Variants in FRMPD4 observed in about 807,000 individuals in gnomAD.
FRMPD4 encodes FERM and PDZ domain-containing protein 4.
Under a neutral mutation model 94.1 loss-of-function variants are expected in FRMPD4, and 22 were observed. That is an observed-to-expected ratio of 0.23 (90% CI 0.17 to 0.33). The LOEUF (loss-of-function observed/expected upper bound fraction) is 0.33. Among genes scored for constraint, FRMPD4 ranks in the 10% least tolerant of loss-of-function variants. FRMPD4 has a pLI of 1.00. For synonymous variants in FRMPD4, 631 were observed against 548.6 expected, an observed-to-expected ratio of 1.15 and a Z score of -2.10; for missense variants, 1,111 against 1,339.9, an observed-to-expected ratio of 0.83 and a Z score of 2.67.
At chrX:11,983,370 C>A (rs1261246340) in intron 3 of FRMPD4, among the ~76,000 whole-genome samples, 1 of 111,778 alleles carries the variant, frequency 8.9e-6, no homozygotes, top group East Asian at 2.8e-4. Context: ...TTTATCTCCT[C>A]TTTACTGTAC....
chrX:11,853,946 C>A (rs1427747027), intron 1 of FRMPD4, among the ~76,000 whole-genome samples: 1 of 112,077 alleles, frequency 8.9e-6, no homozygotes, highest in Non-Finnish European at 1.9e-5. Context: ...AATTTCAGGC[C>A]AGTATTCTTG....
intron 1 of FRMPD4, among the ~76,000 whole-genome samples, chrX:12,213,267 A>G (rs1411933627): frequency 1.8e-5 from 2 of 112,374 alleles, no homozygotes; most frequent in Non-Finnish European, 3.8e-5. Context: ...TGCTTGACAC[A>G]TAGTAGAGAT....
chrX:12,215,973 C>T (rs2056802521), intron 1 of FRMPD4, among the ~76,000 whole-genome samples: 1 of 112,164 alleles, frequency 8.9e-6, no homozygotes. Flanking sequence ...TAGTTGTGAC[C>T]AAGACCACAT....
intron 9 of FRMPD4, among the ~76,000 whole-genome samples, chrX:12,694,670 C>T (rs1418975076): frequency 8.9e-6 from 1 of 112,003 alleles, no homozygotes; most frequent in African/African-American, 3.2e-5. Flanking sequence ...GTCATCTATA[C>T]CCTTCACCCA....
intron 3 of FRMPD4, among the ~76,000 whole-genome samples, chrX:11,886,884 T>C (rs183890057): frequency 1.4e-4 from 16 of 111,292 alleles, no homozygotes; most frequent in African/African-American, 5.2e-4. Context: ...CTCTCCCACA[T>C]GTCTCTGCTT....
intron 3 of FRMPD4, among the ~76,000 whole-genome samples, chrX:11,906,115 TTTTATTTATTTA>T (rs59185589): frequency 1.6e-4 from 14 of 88,247 alleles, no homozygotes; most frequent in Non-Finnish European, 1.5e-4. Flanking sequence ...TTTCCCTTCA[TTTTATTTATTTA>T]TTTATTTATT....
At chrX:11,914,291 CT>C (rs57258573) in intron 3 of FRMPD4, among the ~76,000 whole-genome samples, 21,105 of 88,031 alleles carry the variant, frequency 0.24, 1,717 homozygotes, top group East Asian at 0.55. Flanking sequence ...ACTTTTTTTT[CT>C]TTTTTTTTTT....
intron 1 of FRMPD4, among the ~76,000 whole-genome samples, chrX:11,847,622 G>A (rs1287491311): frequency 9.2e-6 from 1 of 108,794 alleles, no homozygotes; most frequent in Non-Finnish European, 1.9e-5. Flanking sequence ...GCAAAGACTT[G>A]GAACCAACCC....
chrX:12,004,717 T>G (rs6654948), intron 3 of FRMPD4, among the ~76,000 whole-genome samples: 7,351 of 107,018 alleles, frequency 0.069, 269 homozygotes, highest in East Asian at 0.23. Flanking sequence ...CATCCTCAGT[T>G]GATGTTGACT....
chrX:12,528,717 G>A (rs2058254219), intron 2 of FRMPD4, among the ~76,000 whole-genome samples: 1 of 111,871 alleles, frequency 8.9e-6, no homozygotes, highest in South Asian at 3.8e-4. Flanking sequence ...ACTTGCCAGA[G>A]TGAAAAGAAA....
At chrX:12,016,293 T>C (rs2054604475) in intron 3 of FRMPD4, among the ~76,000 whole-genome samples, 1 of 112,028 alleles carries the variant, frequency 8.9e-6, no homozygotes, top group Non-Finnish European at 1.9e-5. Flanking sequence ...GGCTATCTAA[T>C]GCTCCTCTTA....
intron 1 of FRMPD4, among the ~76,000 whole-genome samples, chrX:12,205,007 C>A (rs891804629): frequency 9.2e-6 from 1 of 108,120 alleles, no homozygotes; most frequent in Non-Finnish European, 1.9e-5. Context: ...TTCTCACATG[C>A]TGTAAATTAT....
intron 2 of FRMPD4, among the ~76,000 whole-genome samples, chrX:12,584,867 CAGG>C (rs1453890318): frequency 8.9e-6 from 1 of 112,272 alleles, no homozygotes; most frequent in Non-Finnish European, 1.9e-5. Context: ...TCATTATTCT[CAGG>C]AGAAACATGC....
At chrX:12,608,502 A>G (rs902591227) in intron 2 of FRMPD4, among the ~76,000 whole-genome samples, 3 of 112,648 alleles carry the variant, frequency 2.7e-5, no homozygotes, top group African/African-American at 9.7e-5. Flanking sequence ...TTTCCGGAGA[A>G]CAAATGCCAA....
chrX:12,376,654 C>A, intron 1 of FRMPD4, among the ~76,000 whole-genome samples: 1 of 113,033 alleles, frequency 8.8e-6, no homozygotes, highest in East Asian at 2.8e-4. Flanking sequence ...TGGACACACA[C>A]ACACACACAC....
intron 1 of FRMPD4, among the ~76,000 whole-genome samples, chrX:12,371,885 A>G (rs1289504870): frequency 1.8e-5 from 2 of 112,379 alleles, no homozygotes; most frequent in Admixed American, 9.4e-5. Context: ...AACTTATACT[A>G]AAAACTATTA....
intron 1 of FRMPD4, among the ~76,000 whole-genome samples, chrX:12,344,968 C>G (rs2055678183): frequency 8.9e-6 from 1 of 112,060 alleles, no homozygotes; most frequent in African/African-American, 3.2e-5. Flanking sequence ...TTTGTTTGTT[C>G]AAAGATAAAA....
intron 2 of FRMPD4, among the ~76,000 whole-genome samples, chrX:12,555,110 C>T (rs1431695322): frequency 9.0e-6 from 1 of 111,578 alleles, no homozygotes; most frequent in African/African-American, 3.3e-5. Context: ...TGTTACTTTT[C>T]CTTTTTCTTT....
chrX:12,538,639 C>T (rs942289286), intron 2 of FRMPD4, among the ~76,000 whole-genome samples: 9 of 111,635 alleles, frequency 8.1e-5, no homozygotes, highest in African/African-American at 1.6e-4. Flanking sequence ...TCCAGAGGAA[C>T]GATCAGGCAG....
Sources: gnomAD v4.1 joint callset for allele counts (sites outside exome capture counted in the v4.1 genomes callset) on GRCh38, gnomAD v4.1.1 for gene constraint, MANE v1.5 for transcripts, NCBI Gene and HGNC (gene_info 2026-07-23, HGNC 2026-07-21) for gene names.